TMEM150B: variants seen among roughly 807,000 people sequenced by gnomAD.
TMEM150B encodes the protein modulator of macroautophagy TMEM150B.
Under a neutral mutation model 25.2 loss-of-function variants are expected in TMEM150B, and 33 were observed. That is an observed-to-expected ratio of 1.31 (90% CI 0.99 to 1.75). The LOEUF (loss-of-function observed/expected upper bound fraction) is 1.75, where lower values mean the gene tolerates loss of function less well. Among genes scored for constraint, TMEM150B ranks in the 40% most tolerant of loss-of-function variants. The pLI, the probability that TMEM150B is intolerant of heterozygous loss-of-function variation, is 0.00. For synonymous variants in TMEM150B, 133 were observed against 134.8 expected, an observed-to-expected ratio of 0.99 and a Z score of 0.09; for missense variants, 322 against 306.1, an observed-to-expected ratio of 1.05 and a Z score of -0.39.
At chr19:55,311,443 G>T (rs2088792081), downstream of TMEM150B, among the ~76,000 whole-genome samples, 1 of 152,146 alleles carries the variant, frequency 6.6e-6, no homozygotes, top group African/African-American at 2.4e-5. Context: ...AGCATGAGGG[G>T]CCTGAGACCC....
At position 55,313,016 on chromosome 19, in the gene TMEM150B, G is replaced by T. The variant is rs370688106; in HGVS notation, c.545C>A (p.Ala182Glu). Residue 182 changes from alanine to glutamate, a missense_variant, in exon 8 of 8, where the codon GCG becomes GAG. By Grantham distance (107) the Ala-to-Glu change is moderately radical. Coordinates refer to ENST00000326652, the MANE Select transcript of TMEM150B (RefSeq NM_001282011.2). ...CATGGCCACGACCCACTCGCAGGCC[G>T]CAGAGACGCTACGCAGCGAGCAGGC... ...LHACSLRSVS[A>E]ACEWVVAMLL... The T allele has an allele frequency of 6.2e-7, 1 of 1,613,252 alleles. No homozygotes were observed. The highest frequency in any genetic ancestry group is 8.5e-7 in the Non-Finnish European group (1 of 1,179,758).
intron 6 of TMEM150B, chr19:55,319,769 TA>T: frequency 7.8e-7 from 1 of 1,274,344 alleles, no homozygotes. Context: ...CATCATTAAA[TA>T]AGCTGGGGAG....
downstream of TMEM150B, chr19:55,312,721 C>T (rs1015385253): frequency 1.9e-5 from 19 of 1,014,074 alleles, no homozygotes; most frequent in Non-Finnish European, 2.4e-5. Context: ...ACAGGTCCTC[C>T]GGCTCCAGGT....
intron 1 of TMEM150B, among the ~76,000 whole-genome samples, chr19:55,323,501 CTCTT>C (rs879606176): frequency 1.3e-4 from 20 of 151,846 alleles, no homozygotes; most frequent in Non-Finnish European, 2.4e-4. Flanking sequence ...CAACCATCGC[CTCTT>C]TCTTTTTTTT....
downstream of TMEM150B, chr19:55,311,953 C>T (rs766658785): frequency 6.2e-7 from 1 of 1,609,928 alleles, no homozygotes; most frequent in Non-Finnish European, 8.5e-7. Flanking sequence ...GGTGCCCCAC[C>T]CCGAAGCCTG....
rs1282190038 is a variant in TMEM150B, at chr19:55,321,069, G to A, written c.-33C>T. 3 of 1,601,690 alleles carry A rather than the reference G, an allele frequency of 1.9e-6. No individual in the cohort carries two copies. Among genetic ancestry groups the A allele is most frequent in the South Asian group, 2.2e-5 (2 of 89,400 alleles). Reference sequence around the variant, plus strand: ...TCTGCAGGTGAAGGATCGGGGCTGAGGCTGGACACCTGTCTCTCTCACACC... The same window carrying A: ...TCTGCAGGTGAAGGATCGGGGCTGAAGCTGGACACCTGTCTCTCTCACACC... On this transcript the variant is annotated 5_prime_UTR_variant, in exon 3 of 8. Coordinates refer to ENST00000326652, the MANE Select transcript of TMEM150B (RefSeq NM_001282011.2).
At chr19:55,316,667 G>A (rs1031250831) in intron 7 of TMEM150B, 119 bp downstream of exon 7, 2 of 1,112,412 alleles carry the variant, frequency 1.8e-6, no homozygotes, top group African/African-American at 1.6e-5. Flanking sequence ...CCATAATCCT[G>A]TGCAAAGAGT....
At chr19:55,314,183 G>A (rs1486565866) in intron 7 of TMEM150B, among the ~76,000 whole-genome samples, 1 of 152,120 alleles carries the variant, frequency 6.6e-6, no homozygotes, top group Non-Finnish European at 1.5e-5. Flanking sequence ...CACCACACCT[G>A]GCTAATTTTT....
chr19:55,312,701 GCGCCGGCACACAGGTC>G (rs66565005), downstream of TMEM150B: 92,286 of 875,982 alleles, frequency 0.11, 4,608 homozygotes, highest in Middle Eastern at 0.14. Context: ...GAGGCCCTCC[GCGCCGGCACACAGGTC>G]CTCCGGCTCC....
In TMEM150B at chr19:55,314,564, C is replaced by T. The variant is rs376449394; in HGVS notation, c.506-1509G>A. ...CGTCTTTACAGACGTCCATCCCTTA[C>T]GACACTCAGCTAGCTGTCTTTATGG... On this transcript the variant is annotated intron_variant, in intron 7 of 7. Coordinates refer to ENST00000326652, the MANE Select transcript of TMEM150B (RefSeq NM_001282011.2). Among the ~76,000 whole-genome samples the T allele has an allele frequency of 8.3e-4, 127 of 152,252 alleles. 1 individual carries two copies. In the South Asian group the frequency reaches 0.011, roughly 13 times the overall value.
Position 55,321,113 on chromosome 19 carries a change from G to T in TMEM150B, c.-57-20C>A. On this transcript the variant is annotated intron_variant, in intron 2 of 7. Transcript: ENST00000326652. Reference sequence around the variant, plus strand: ...TCACACCTGAAGAACCAGCCCTCAAGGAGGGCCCAGGTGCATGAGATTGTG... The same window carrying T: ...TCACACCTGAAGAACCAGCCCTCAATGAGGGCCCAGGTGCATGAGATTGTG... The T allele has an allele frequency of 6.5e-7, 1 of 1,533,286 alleles. No individual in the cohort carries two copies. The highest frequency in any genetic ancestry group is 8.8e-7 in the Non-Finnish European group (1 of 1,141,554). The allele number at this position is 1,533,286 out of a possible 1,614,324, so 95.0% of individuals were successfully genotyped here. A position where few individuals can be genotyped will look rare whatever the true frequency, so the allele number is the denominator to read the frequency against.
At chr19:55,323,722 C>T (rs1455088230) in intron 1 of TMEM150B, among the ~76,000 whole-genome samples, 2 of 150,346 alleles carry the variant, frequency 1.3e-5, no homozygotes, top group Admixed American at 6.6e-5. Flanking sequence ...AGGCTGGTCT[C>T]GAACTCCCAA....
At chr19:55,317,189 C>T in intron 6 of TMEM150B, among the ~76,000 whole-genome samples, 1 of 152,144 alleles carries the variant, frequency 6.6e-6, no homozygotes, top group Non-Finnish European at 1.5e-5. Flanking sequence ...GTGATGGGCA[C>T]ATAGTAGATG....
downstream of TMEM150B, among the ~76,000 whole-genome samples, chr19:55,311,633 C>T (rs560142710): frequency 1.1e-4 from 16 of 152,310 alleles, 1 homozygote; most frequent in South Asian, 8.3e-4. Flanking sequence ...AAGTCAGGCC[C>T]GGCCCAGGCC....
chr19:55,315,317 A>G (rs147787497), intron 7 of TMEM150B, among the ~76,000 whole-genome samples: 15,096 of 151,150 alleles, frequency 0.1, 959 homozygotes, highest in South Asian at 0.23. Context: ...CTCCATCTCA[A>G]AAAATAATAA....
chr19:55,315,288 C>T (rs2088958165), intron 7 of TMEM150B, among the ~76,000 whole-genome samples: 1 of 151,648 alleles, frequency 6.6e-6, no homozygotes, highest in Non-Finnish European at 1.5e-5. Context: ...TGCACTCCAC[C>T]CTGGGTGACA....
chr19:55,324,992 TCCTGC>T, intron 1 of TMEM150B: 1 of 500,188 alleles, frequency 2.0e-6, no homozygotes, highest in Non-Finnish European at 2.6e-6. Context: ...AACACTGATC[TCCTGC>T]CCTGCCCTGT....
downstream of TMEM150B, among the ~76,000 whole-genome samples, chr19:55,310,871 TG>T (rs553717327): frequency 6.6e-6 from 1 of 152,104 alleles, no homozygotes; most frequent in East Asian, 1.9e-4. This position sits in a 1 kb window ranked among gnomAD's most constrained non-coding sequence, Gnocchi z 5.0. Context: ...ACAGGCACCC[TG>T]GGGGGCTCAG....
intron 6 of TMEM150B, among the ~76,000 whole-genome samples, chr19:55,317,251 C>T (rs1053150477): frequency 5.3e-5 from 8 of 152,178 alleles, no homozygotes; most frequent in African/African-American, 1.9e-4. Context: ...GGGGGACAGA[C>T]ATTTCCCCAA....
Sources: gnomAD v4.1 joint callset for allele counts (sites outside exome capture counted in the v4.1 genomes callset) on GRCh38, gnomAD v4.1.1 for gene constraint, Gnocchi (gnomAD v3.1) non-coding constraint, MANE v1.5 for transcripts, NCBI Gene and HGNC (gene_info 2026-07-23, HGNC 2026-07-21) for gene names.